The following ORC2 variants were observed in gnomAD, a reference collection of about 807,000 sequenced individuals.
The protein encoded by ORC2 is origin recognition complex protein 2 homolog.
ORC2 carries 37 observed loss-of-function variants against 77.7 expected under a neutral mutation model. That is an observed-to-expected ratio of 0.48 (90% CI 0.37 to 0.63). The LOEUF (loss-of-function observed/expected upper bound fraction) is 0.63, where lower values mean the gene tolerates loss of function less well. Ranked by LOEUF, ORC2 falls within the 20% of genes least tolerant of loss-of-function variation. The probability of loss-of-function intolerance (pLI) is 0.00; values close to 1 mark genes in which losing one functional copy is unlikely to be tolerated. For missense variants in ORC2, 557 were observed against 661.9 expected (o/e 0.84, Z 1.74); for synonymous variants, 201 against 229.5 (o/e 0.88, Z 1.12).
chr2:200,960,978 T>C (rs1033473749), intron 1 of ORC2, among the ~76,000 whole-genome samples: 4 of 152,094 alleles, frequency 2.6e-5, no homozygotes, highest in Non-Finnish European at 4.4e-5. Context: ...GGTTTCACCA[T>C]GTCGGCCAGG....
chr2:200,918,493 C>CA (rs1553493171), intron 15 of ORC2, among the ~76,000 whole-genome samples: 2 of 144,328 alleles, frequency 1.4e-5, no homozygotes, highest in East Asian at 4.0e-4. Flanking sequence ...TTTCTTCTTT[C>CA]TTTTTTTTTT....
chr2:200,935,968 G>T, intron 8 of ORC2, 76 bp from the exon 9 acceptor site: 1 of 1,234,462 alleles, frequency 8.1e-7, no homozygotes, highest in Non-Finnish European at 1.1e-6. Context: ...AGCAAAGAGT[G>T]GGGGCTCTGT....
rs1206695775 is a variant in ORC2 at position 200,919,161 on chromosome 2, G to T, written c.1466+1061C>A. Among the ~76,000 whole-genome samples, 3 of 152,134 alleles carry T rather than the reference G, an allele frequency of 2.0e-5. No individual in the cohort carries two copies. In the East Asian group the frequency reaches 5.8e-4, roughly 29 times the overall value. Reference sequence around the variant, plus strand: ...ACACATTTCTAACTTGGAAAGAATTGCTACTCTTATAATATTTAATCTACC... The same window carrying T: ...ACACATTTCTAACTTGGAAAGAATTTCTACTCTTATAATATTTAATCTACC... On this transcript the variant is annotated intron_variant, in intron 15 of 17. Transcript: ENST00000234296.
At chr2:200,944,135 A>G (rs989828922) in intron 5 of ORC2, among the ~76,000 whole-genome samples, 2 of 152,206 alleles carry the variant, frequency 1.3e-5, no homozygotes, top group Admixed American at 1.3e-4. Flanking sequence ...GCCAGGGAGA[A>G]AAGAATAAAA....
intron 9 of ORC2, among the ~76,000 whole-genome samples, chr2:200,934,320 T>TC (rs376120874): frequency 2.0e-5 from 3 of 151,906 alleles, no homozygotes; most frequent in Non-Finnish European, 4.4e-5. Context: ...CTTTTTTTTT[T>TC]CCTTTCTTTA....
intron 13 of ORC2, among the ~76,000 whole-genome samples, chr2:200,924,405 T>G (rs1168495453): frequency 6.7e-6 from 1 of 150,210 alleles, no homozygotes; most frequent in Non-Finnish European, 1.5e-5. Context: ...GGTGTAGGAG[T>G]GTGAAAGGAA....
At chr2:200,928,584 C>T (rs954424251) in intron 11 of ORC2, among the ~76,000 whole-genome samples, 4 of 151,952 alleles carry the variant, frequency 2.6e-5, no homozygotes, top group Non-Finnish European at 4.4e-5. Context: ...GAGGCCGAGG[C>T]GGGCGGATCA....
At chr2:200,914,066 C>CTTG (rs1435378149) in intron 15 of ORC2, 74 bp from the exon 16 acceptor site, 1 of 905,986 alleles carries the variant, frequency 1.1e-6, no homozygotes. Flanking sequence ...TAGTAAAATA[C>CTTG]ACAAAGAAAA....
chr2:200,910,510 T>C lies in ORC2; in HGVS notation c.*791A>G, dbSNP rs1021487298. ...GAATAATGAAATGTTTTATTTTTTGTTGTCTTGAAAACAATTACTAAAATG... is the reference window on the plus strand; with the variant it reads ...GAATAATGAAATGTTTTATTTTTTGCTGTCTTGAAAACAATTACTAAAATG... On this transcript the variant is annotated 3_prime_UTR_variant, in exon 18 of 18. Coordinates refer to ENST00000234296, the MANE Select transcript of ORC2 (RefSeq NM_006190.5). 6.6e-6 allele frequency: 1 copy of C among 152,236 alleles called. No individual in the cohort carries two copies. Among genetic ancestry groups the C allele is most frequent in the Non-Finnish European group, 1.5e-5 (1 of 68,048 alleles). The allele number at this position is 152,236 out of a possible 1,614,324, so 9.4% of individuals were successfully genotyped here. A position where few individuals can be genotyped will look rare whatever the true frequency, so the allele number is the denominator to read the frequency against.
chr2:200,920,724 CAAG>C (rs1385980036), intron 14 of ORC2, among the ~76,000 whole-genome samples: 1 of 152,130 alleles, frequency 6.6e-6, no homozygotes, highest in Non-Finnish European at 1.5e-5. Flanking sequence ...TGCGATATTA[CAAG>C]AAGAGAAAGA....
chr2:200,920,162 T>C (rs1217626761), intron 15 of ORC2, 60 bp downstream of exon 15: 1 of 1,320,186 alleles, frequency 7.6e-7, no homozygotes, highest in Non-Finnish European at 1.0e-6. Context: ...CATTAAAACC[T>C]AGTAGTACAT....
chr2:200,927,289 GC>G (rs1164226508), intron 11 of ORC2, among the ~76,000 whole-genome samples: 1 of 151,898 alleles, frequency 6.6e-6, no homozygotes, highest in East Asian at 1.9e-4. Flanking sequence ...TTGCCATGTT[GC>G]CCAGGCTGGT....
chr2:200,924,126 C>A (rs1378353413), intron 13 of ORC2, among the ~76,000 whole-genome samples: 1 of 152,044 alleles, frequency 6.6e-6, no homozygotes, highest in Non-Finnish European at 1.5e-5. Context: ...GCAGGAGTAT[C>A]CCTTGAGGCC....
At chr2:200,953,039 G>T (rs929063655) in intron 4 of ORC2, among the ~76,000 whole-genome samples, 3 of 150,892 alleles carry the variant, frequency 2.0e-5, no homozygotes, top group Non-Finnish European at 3.0e-5. Context: ...CTGAGCCCAG[G>T]GAGGCTAAGG....
chr2:200,954,189 C>T (rs565157181), intron 4 of ORC2, among the ~76,000 whole-genome samples: 13 of 152,112 alleles, frequency 8.5e-5, no homozygotes, highest in Non-Finnish European at 1.5e-4. Flanking sequence ...CCCACCACCA[C>T]GCCCAGCTAA....
chr2:200,945,564 TA>T (rs142914417), intron 5 of ORC2, among the ~76,000 whole-genome samples: 8 of 151,634 alleles, frequency 5.3e-5, no homozygotes, highest in African/African-American at 1.5e-4. Context: ...GTGAGACCCT[TA>T]AAAAAAATTA....
rs776374281 is a variant in ORC2 at position 200,937,915 on chromosome 2, T to C, written c.505A>G (p.Arg169Gly). ...LSTAPRSLRKRLIVPRSHSDS... is the reference protein window; with the variant it reads ...LSTAPRSLRKGLIVPRSHSDS... Reference sequence around the variant, plus strand: ...AAAAACAAATACGTACCTATTAATCTTTTTCTTAGACTACGAGGTGCTGTT... The same window carrying C: ...AAAAACAAATACGTACCTATTAATCCTTTTCTTAGACTACGAGGTGCTGTT... Residue 169 changes from arginine to glycine, a missense_variant, in exon 8 of 18, where the codon AGA becomes GGA. Physicochemically the swap from Arg to Gly is moderately radical, Grantham distance 125. Transcript: ENST00000234296. 1 of 1,595,778 alleles carries C rather than the reference T, an allele frequency of 6.3e-7. No individual in the cohort carries two copies. The highest frequency in any genetic ancestry group is 8.6e-7 in the Non-Finnish European group (1 of 1,167,352).
chr2:200,917,642 C>T (rs1575151639), intron 15 of ORC2, among the ~76,000 whole-genome samples: 1 of 152,144 alleles, frequency 6.6e-6, no homozygotes, highest in African/African-American at 2.4e-5. Context: ...ACGAGTGCAG[C>T]ATGTATAATA....
chr2:200,961,184 G>A (rs1309445965), intron 1 of ORC2, among the ~76,000 whole-genome samples: 1 of 151,670 alleles, frequency 6.6e-6, no homozygotes, highest in African/African-American at 2.4e-5. Context: ...TTTTGTTTTT[G>A]TGGGGTTTGT....
Sources: gnomAD v4.1 joint callset for allele counts (sites outside exome capture counted in the v4.1 genomes callset) on GRCh38, gnomAD v4.1.1 for gene constraint, MANE v1.5 for transcripts, NCBI Gene and HGNC (gene_info 2026-07-23, HGNC 2026-07-21) for gene names.